Variants in AKAP13 observed in about 807,000 individuals in gnomAD.
AKAP13 encodes the protein A-kinase anchor protein 13.
AKAP13 carries 80 observed loss-of-function variants against 264.5 expected under a neutral mutation model. The observed-to-expected ratio is 0.30, with a 90% confidence interval of 0.25 to 0.36. The LOEUF is 0.36. Ranked by LOEUF, AKAP13 falls within the 10% of genes least tolerant of loss-of-function variation. The pLI, the probability that AKAP13 is intolerant of heterozygous loss-of-function variation, is 1.00. For synonymous variants in AKAP13, 1,380 were observed against 1,250.2 expected (o/e 1.10, Z -2.19); for missense variants, 3,712 against 3,435.2 (o/e 1.08, Z -2.01).
chr15:85,387,416 G>A (rs1189650782), intron 1 of AKAP13, among the ~76,000 whole-genome samples: 1 of 152,146 alleles, frequency 6.6e-6, no homozygotes, highest in African/African-American at 2.4e-5. Flanking sequence ...CTGCAGCCTT[G>A]ATCTCCTGGG....
intron 1 of AKAP13, among the ~76,000 whole-genome samples, chr15:85,396,982 TTTG>T (rs894244026): frequency 5.3e-5 from 8 of 151,768 alleles, no homozygotes; most frequent in Admixed American, 1.3e-4. Flanking sequence ...CATAATTATT[TTTG>T]TTTTCACGTC....
Position 85,380,812 on chromosome 15 carries a change from T to C in AKAP13, c.-12+14T>C, listed in dbSNP as rs2083378092. The C allele has an allele frequency of 6.6e-6, 1 of 152,430 alleles. No individual in the cohort carries two copies. The highest frequency in any genetic ancestry group is 1.5e-5 in the Non-Finnish European group (1 of 68,108). 9.4% of individuals were successfully genotyped at this position (152,430 alleles called of 1,614,324 possible). ...GGGAGCCGCACGGTGAGAGCGCAAC[T>C]TAGTTGGCGGAGTTGGGGGAAGTTT... On this transcript the variant is annotated intron_variant, in intron 1 of 36. Transcript: ENST00000394518.
intron 2 of AKAP13, among the ~76,000 whole-genome samples, chr15:85,509,904 C>A (rs570585845): frequency 3.0e-4 from 45 of 152,314 alleles, no homozygotes; most frequent in Non-Finnish European, 6.3e-4. Context: ...CGACATGTCA[C>A]CCCTGTCCAC....
At chr15:85,673,948 C>T (rs1445042334) in intron 14 of AKAP13, among the ~76,000 whole-genome samples, 2 of 151,794 alleles carry the variant, frequency 1.3e-5, no homozygotes, top group African/African-American at 4.8e-5. Context: ...ACCTCGGCCT[C>T]CCAAAGTGCT....
chr15:85,722,295 G>T lies in AKAP13; in HGVS notation c.6444G>T (p.Gln2148His). ...GIPECILLVTQRITKYPVLFQ... is the reference protein window; with the variant it reads ...GIPECILLVTHRITKYPVLFQ... ...CAGAGTGCATATTGCTTGTAACTCA[G>T]CGGATTACCAAGTACCCAGTTTTAT... Residue 2148 changes from glutamine (Q) to histidine (H), a missense_variant, in exon 25 of 37, where the codon CAG becomes CAT. Coordinates refer to ENST00000394518, the MANE Select transcript of AKAP13 (RefSeq NM_007200.5). The T allele has an allele frequency of 6.2e-7, 1 of 1,613,742 alleles. No individual in the cohort carries two copies. The highest frequency in any genetic ancestry group is 8.5e-7 in the Non-Finnish European group (1 of 1,179,854).
chr15:85,634,467 G>C (rs977763201), intron 8 of AKAP13, among the ~76,000 whole-genome samples: 1 of 152,174 alleles, frequency 6.6e-6, no homozygotes, highest in East Asian at 1.9e-4. Context: ...AAGTATGTCA[G>C]TTTTAATGAT....
intron 8 of AKAP13, among the ~76,000 whole-genome samples, chr15:85,598,829 G>C (rs1465025097): frequency 1.3e-5 from 2 of 152,166 alleles, no homozygotes; most frequent in Non-Finnish European, 2.9e-5. Flanking sequence ...GTAACATCAG[G>C]CATTAAGTGG....
At chr15:85,624,653 A>G (rs2081333019) in intron 8 of AKAP13, 1 of 152,234 alleles carries the variant, frequency 6.6e-6, no homozygotes. Flanking sequence ...CTCAGGCAGG[A>G]TCTCCTGAGA....
chr15:85,440,103 A>G (rs2073568337), intron 1 of AKAP13, among the ~76,000 whole-genome samples: 1 of 152,128 alleles, frequency 6.6e-6, no homozygotes, highest in African/African-American at 2.4e-5. Flanking sequence ...TTCTGTGCCC[A>G]CCCTTTATGT....
chr15:85,669,088 T>C (rs1276283006), intron 13 of AKAP13, among the ~76,000 whole-genome samples: 1 of 151,886 alleles, frequency 6.6e-6, no homozygotes. Context: ...ATACAAAATT[T>C]AGCTGCGCGT....
chr15:85,431,365 G>C (rs181455754), intron 1 of AKAP13, among the ~76,000 whole-genome samples: 9 of 152,202 alleles, frequency 5.9e-5, no homozygotes, highest in Admixed American at 3.9e-4. Context: ...GTAACTCTAG[G>C]CAAATTATTT....
intron 15 of AKAP13, among the ~76,000 whole-genome samples, chr15:85,682,669 C>G (rs2084659691): frequency 6.7e-6 from 1 of 149,718 alleles, no homozygotes; most frequent in Non-Finnish European, 1.5e-5. Flanking sequence ...CGAATTGATT[C>G]TTTTTTTTTT....
At chr15:85,446,460 C>T (rs1301966638) in intron 1 of AKAP13, among the ~76,000 whole-genome samples, 1 of 152,152 alleles carries the variant, frequency 6.6e-6, no homozygotes, top group Non-Finnish European at 1.5e-5. Context: ...AAGATGGATT[C>T]AGTGCAGAAC....
intron 3 of AKAP13, among the ~76,000 whole-genome samples, chr15:85,531,790 A>C (rs959464813): frequency 6.6e-6 from 1 of 152,320 alleles, no homozygotes; most frequent in Admixed American, 6.5e-5. Context: ...TTCAGTGTTC[A>C]TGTGAAGACT....
At chr15:85,684,982 C>G (rs1341793681) in intron 16 of AKAP13, 109 bp downstream of exon 16, 2 of 1,309,838 alleles carry the variant, frequency 1.5e-6, no homozygotes, top group East Asian at 2.5e-5. Context: ...GAAATAAATT[C>G]AGGATTACTC....
intron 8 of AKAP13, among the ~76,000 whole-genome samples, chr15:85,598,262 C>G (rs182741695): frequency 1.3e-5 from 2 of 152,234 alleles, no homozygotes; most frequent in Admixed American, 1.3e-4. Context: ...GCAATTGGGC[C>G]TAGGCCTGGT....
At chr15:85,733,875 T>C (rs2088234038) in intron 30 of AKAP13, among the ~76,000 whole-genome samples, 1 of 85,716 alleles carries the variant, frequency 1.2e-5, no homozygotes, top group South Asian at 3.9e-4. Flanking sequence ...TTTCTTTTCT[T>C]TTTTTTTTTT....
chr15:85,397,374 A>C (rs1273240296), intron 1 of AKAP13, among the ~76,000 whole-genome samples: 1 of 152,198 alleles, frequency 6.6e-6, no homozygotes, highest in African/African-American at 2.4e-5. Context: ...TGATCACTTT[A>C]TTAGTTAGCT....
At chr15:85,386,899 C>T (rs890840232) in intron 1 of AKAP13, among the ~76,000 whole-genome samples, 2 of 152,030 alleles carry the variant, frequency 1.3e-5, no homozygotes, top group African/African-American at 4.8e-5. Context: ...GTTTTAAAAT[C>T]AGGTAGTGTG....
Sources: allele counts gnomAD v4.1 joint callset (sites outside exome capture counted in the v4.1 genomes callset), GRCh38; gene constraint gnomAD v4.1.1; transcripts MANE v1.5; gene names NCBI Gene and HGNC (gene_info 2026-07-23, HGNC 2026-07-21).